DAND5: variants seen among roughly 807,000 people sequenced by gnomAD.
The protein encoded by DAND5 is DAN domain BMP antagonist family member 5.
Under a neutral mutation model 9.2 loss-of-function variants are expected in DAND5, and 8 were observed. That is an observed-to-expected ratio of 0.87 (90% CI 0.51 to 1.56). The LOEUF is 1.56. DAND5 is among the 40% of genes most tolerant of loss of function. The pLI, the probability that DAND5 is intolerant of heterozygous loss-of-function variation, is 0.00. For synonymous variants in DAND5, 95 were observed against 101.1 expected, an observed-to-expected ratio of 0.94 and a Z score of 0.36; for missense variants, 244 against 244.7, an observed-to-expected ratio of 1.00 and a Z score of 0.02.
At chr19:12,972,666 A>G (rs1300262920) in intron 1 of DAND5, among the ~76,000 whole-genome samples, 1 of 151,502 alleles carries the variant, frequency 6.6e-6, no homozygotes, top group African/African-American at 2.4e-5. Context: ...TCAGCCTCCC[A>G]TGTAACTGGG....
chr19:12,973,775 T>C lies in DAND5; in HGVS notation c.*141T>C, dbSNP rs1599680903. 1 of 1,279,282 alleles carries C rather than the reference T, an allele frequency of 7.8e-7. No homozygotes were observed. Among genetic ancestry groups the C allele is most frequent in the East Asian group, 2.5e-5 (1 of 40,746 alleles). 79.2% of individuals were successfully genotyped at this position (1,279,282 alleles called of 1,614,324 possible). Reference sequence around the variant, plus strand: ...GGGTTAGGCAGACAGGTCCCCAGAGTCCTCACCCTGCTCCCCAGACAGTAG... The same window carrying C: ...GGGTTAGGCAGACAGGTCCCCAGAGCCCTCACCCTGCTCCCCAGACAGTAG... On this transcript the variant is annotated 3_prime_UTR_variant, in exon 2 of 2. Transcript: ENST00000317060.
chr19:12,971,888 G>A (rs1008640402), intron 1 of DAND5, among the ~76,000 whole-genome samples: 1 of 151,510 alleles, frequency 6.6e-6, no homozygotes, highest in African/African-American at 2.4e-5. Flanking sequence ...ACCACACCCG[G>A]CCTTTTCATG....
chr19:12,973,799 A>G lies in DAND5; in HGVS notation c.*165A>G. 2 of 964,778 alleles carry G rather than the reference A, an allele frequency of 2.1e-6. No individual in the cohort carries two copies. The highest frequency in any genetic ancestry group is 3.0e-6 in the Non-Finnish European group (2 of 667,912). The allele number at this position is 964,778 out of a possible 1,614,324, so 59.8% of individuals were successfully genotyped here. On this transcript the variant is annotated 3_prime_UTR_variant, in exon 2 of 2. Coordinates refer to ENST00000317060, the MANE Select transcript of DAND5 (RefSeq NM_152654.3). ...GTCCTCACCCTGCTCCCCAGACAGTAGACACAGTGCCCGTCCTGGAGTTGC... is the reference window on the plus strand; with the variant it reads ...GTCCTCACCCTGCTCCCCAGACAGTGGACACAGTGCCCGTCCTGGAGTTGC...
intron 1 of DAND5, among the ~76,000 whole-genome samples, chr19:12,972,671 AC>A (rs1157211902): frequency 6.6e-6 from 1 of 151,556 alleles, no homozygotes; most frequent in African/African-American, 2.4e-5. Flanking sequence ...CTCCCATGTA[AC>A]TGGGATTACA....
rs2011162833 is a variant in DAND5, at chr19:12,974,334, GTC to G, written c.*703_*704del. 1 of 152,544 alleles carries G rather than the reference GTC, an allele frequency of 6.6e-6. No individual in the cohort carries two copies. The highest frequency in any genetic ancestry group is 1.5e-5 in the Non-Finnish European group (1 of 68,282). 9.4% of individuals were successfully genotyped at this position (152,544 alleles called of 1,614,324 possible). A position where few individuals can be genotyped will look rare whatever the true frequency, so the allele number is the denominator to read the frequency against. On this transcript the variant is annotated 3_prime_UTR_variant, in exon 2 of 2. Transcript: ENST00000317060. ...GAGTTTCACCATATTAGCCTGGCTG[GTC>G]TCAAACTCCTGGCCTCAGGTGATCT...
Position 12,973,861 on chromosome 19 carries a change from C to CA in DAND5, c.*228dup. On this transcript the variant is annotated 3_prime_UTR_variant, in exon 2 of 2. Transcript: ENST00000317060. ...TCACAGCACACAATGATTGACAACT[C>CA]ACTTTTTTTTTTTTTTTTTGAGATG... The CA allele has an allele frequency of 1.2e-5, 6 of 496,480 alleles. No homozygotes were observed. Among genetic ancestry groups the CA allele is most frequent in the East Asian group, 3.8e-5 (1 of 26,542 alleles). 30.8% of individuals were successfully genotyped at this position (496,480 alleles called of 1,614,324 possible).
chr19:12,973,662 G>T lies in DAND5; in HGVS notation c.*28G>T. 6.2e-7 allele frequency: 1 copy of T among 1,603,304 alleles called. No homozygotes were observed. ...TGAGCATCGTGGATGGGTGCACGGA[G>T]ACACGCACCTTGGAGAAATGAGGGG... On this transcript the variant is annotated 3_prime_UTR_variant, in exon 2 of 2. Transcript: ENST00000317060.
intron 1 of DAND5, among the ~76,000 whole-genome samples, 199 bp downstream of exon 1, chr19:12,970,183 A>AC (rs1235161666): frequency 5.2e-4 from 75 of 144,636 alleles, no homozygotes; most frequent in Middle Eastern, 3.4e-3. Context: ...GCCCCTCTCC[A>AC]CCCCCCAGTC....
At position 12,974,671 on chromosome 19, in the gene DAND5, C is replaced by G. The variant is rs1362438688; in HGVS notation, c.*1037C>G. 6.5e-6 allele frequency: 1 copy of G among 152,678 alleles called. No homozygotes were observed. The highest frequency in any genetic ancestry group is 1.5e-5 in the Non-Finnish European group (1 of 68,430). The allele number at this position is 152,678 out of a possible 1,614,324, so 9.5% of individuals were successfully genotyped here. The stretch of plus-strand genomic sequence containing the variant: ...TTGCCTTGATAGTGGTGCTGTGTCC[C>G]TCTCAGACCCCCCACCTGAGTCTCC... On this transcript the variant is annotated 3_prime_UTR_variant, in exon 2 of 2. Coordinates refer to ENST00000317060, the MANE Select transcript of DAND5 (RefSeq NM_152654.3).
intron 1 of DAND5, among the ~76,000 whole-genome samples, chr19:12,971,811 G>A (rs2011146714): frequency 6.6e-6 from 1 of 150,668 alleles, no homozygotes; most frequent in Non-Finnish European, 1.5e-5. Context: ...GGATGGTCTT[G>A]AATTCCTGAC....
chr19:12,973,379 C>T lies in DAND5; in HGVS notation c.325-10C>T. The T allele has an allele frequency of 6.2e-7, 1 of 1,613,358 alleles. No individual in the cohort carries two copies. The highest frequency in any genetic ancestry group is 8.5e-7 in the Non-Finnish European group (1 of 1,179,696). The stretch of plus-strand genomic sequence containing the variant: ...CGCCACCCTGACCGTCTCCATGCCT[C>T]CGGCCCCAGGTGTTCTCCCGGCCCG... On this transcript the variant is annotated splice_polypyrimidine_tract_variant and intron_variant, in intron 1 of 1. Transcript: ENST00000317060.
At chr19:12,973,049 A>T (rs578160022) in intron 1 of DAND5, among the ~76,000 whole-genome samples, 39 of 150,876 alleles carry the variant, frequency 2.6e-4, no homozygotes, top group African/African-American at 6.8e-4. Flanking sequence ...TTTTTAGTAG[A>T]GACGGGGTTT....
chr19:12,970,454 C>T (rs763967293), intron 1 of DAND5: 58 of 701,848 alleles, frequency 8.3e-5, no homozygotes, highest in African/African-American at 5.8e-4. Flanking sequence ...TTTTTAGACA[C>T]GGGAGTCTCG....
At position 12,973,538 on chromosome 19, in the gene DAND5, G is replaced by A; in HGVS notation, c.474G>A (p.Val158=). 6.2e-7 allele frequency: 1 copy of A among 1,614,170 alleles called. No homozygotes were observed. Residue 158 remains valine (V), a synonymous_variant, in exon 2 of 2, where the codon GTG becomes GTA. Coordinates refer to ENST00000317060, the MANE Select transcript of DAND5 (RefSeq NM_152654.3). Reference sequence around the variant, plus strand: ...CTGCTCGCAAGCGTTGGGCACCCGTGGTCCTGTGGTGTCTCACTGGCAGCT... The same window carrying A: ...CTGCTCGCAAGCGTTGGGCACCCGTAGTCCTGTGGTGTCTCACTGGCAGCT... The part of the protein sequence containing the change: ...CMPARKRWAP[V]VLWCLTGSSA...
chr19:12,973,089 G>C (rs4804745), intron 1 of DAND5, among the ~76,000 whole-genome samples: 61,281 of 151,158 alleles, frequency 0.41, 13,565 homozygotes, highest in East Asian at 0.9. Context: ...GTCTCGATCT[G>C]CTGACCTCGT....
In DAND5 at chr19:12,973,811, C is replaced by T. The variant is rs1039253203; in HGVS notation, c.*177C>T. On this transcript the variant is annotated 3_prime_UTR_variant, in exon 2 of 2. Coordinates refer to ENST00000317060, the MANE Select transcript of DAND5 (RefSeq NM_152654.3). Reference sequence around the variant, plus strand: ...CTCCCCAGACAGTAGACACAGTGCCCGTCCTGGAGTTGCACCACTGATAGT... The same window carrying T: ...CTCCCCAGACAGTAGACACAGTGCCTGTCCTGGAGTTGCACCACTGATAGT... The T allele has an allele frequency of 3.5e-6, 3 of 857,248 alleles. No homozygotes were observed. Among genetic ancestry groups the T allele is most frequent in the South Asian group, 3.6e-5 (2 of 54,918 alleles). The allele number at this position is 857,248 out of a possible 1,614,324, so 53.1% of individuals were successfully genotyped here.
intron 1 of DAND5, chr19:12,970,417 T>G (rs1195565820): frequency 5.7e-6 from 4 of 698,780 alleles, no homozygotes; most frequent in Admixed American, 4.1e-5. Flanking sequence ...AGCCTCCTTT[T>G]CCTCAGACAC....
At chr19:12,971,503 T>C (rs1039720899) in intron 1 of DAND5, among the ~76,000 whole-genome samples, 1 of 151,950 alleles carries the variant, frequency 6.6e-6, no homozygotes, top group South Asian at 2.1e-4. Flanking sequence ...GGTCTCAAAC[T>C]CCTGACCTCA....
Position 12,969,636 on chromosome 19 carries a change from G to C in DAND5, c.-25G>C. 5 of 1,574,384 alleles carry C rather than the reference G, an allele frequency of 3.2e-6. No homozygotes were observed. The highest frequency in any genetic ancestry group is 4.3e-6 in the Non-Finnish European group (5 of 1,162,968). ...TGAGCCCAGTCCGGACAGACAGACA[G>C]GCAGACAGACGCACGGACAAGCAGA... On this transcript the variant is annotated 5_prime_UTR_variant, in exon 1 of 2. Transcript: ENST00000317060.
Sources: gnomAD v4.1 joint callset for allele counts (sites outside exome capture counted in the v4.1 genomes callset) on GRCh38, gnomAD v4.1.1 for gene constraint, MANE v1.5 for transcripts, NCBI Gene and HGNC (gene_info 2026-07-23, HGNC 2026-07-21) for gene names.